DLGAP1: variants seen among roughly 807,000 people sequenced by gnomAD.
DLGAP1 encodes disks large-associated protein 1.
DLGAP1 carries 11 observed loss-of-function variants against 90.8 expected under a neutral mutation model. The observed-to-expected ratio is 0.12, with a 90% CI of 0.08 to 0.20. The LOEUF is 0.20. Among genes scored for constraint, DLGAP1 ranks in the 10% least tolerant of loss-of-function variants. The pLI, the probability that DLGAP1 is intolerant of heterozygous loss-of-function variation, is 1.00. For missense variants in DLGAP1, 1,050 were observed against 1,333.8 expected, an observed-to-expected ratio of 0.79 and a Z score of 3.31; for synonymous variants, 558 against 540.7, an observed-to-expected ratio of 1.03 and a Z score of -0.44.
chr18:3,927,320 G>A (rs1684758895), intron 3 of DLGAP1, among the ~76,000 whole-genome samples: 1 of 152,202 alleles, frequency 6.6e-6, no homozygotes, highest in African/African-American at 2.4e-5. Flanking sequence ...TCGCCTAAGT[G>A]CTTTTACTGA....
At position 4,084,377 on chromosome 18, in the gene DLGAP1, C is replaced by T. The variant is rs1182785626; in HGVS notation, c.-159+66803G>A. Reference sequence around the variant, plus strand: ...ATTGTTAAAAATTTAGATTTGTTTTCGACAGGGCTCAGAACAAGGGCCAGA... The same window carrying T: ...ATTGTTAAAAATTTAGATTTGTTTTTGACAGGGCTCAGAACAAGGGCCAGA... On this transcript the variant is annotated intron_variant, in intron 2 of 12. Coordinates refer to ENST00000315677, the MANE Select transcript of DLGAP1 (RefSeq NM_004746.4). The surrounding 1 kb of genome is among the most constrained non-coding windows in gnomAD (Gnocchi z 4.0). 2.0e-5 allele frequency among the ~76,000 whole-genome samples: 3 copies of T among 152,122 alleles called. No individual in the cohort carries two copies. Among genetic ancestry groups the T allele is most frequent in the Non-Finnish European group, 4.4e-5 (3 of 68,038 alleles).
At chr18:3,805,686 G>A (rs544104996) in intron 5 of DLGAP1, among the ~76,000 whole-genome samples, 1 of 152,298 alleles carries the variant, frequency 6.6e-6, no homozygotes, top group African/African-American at 2.4e-5. Context: ...ATGATCAGAC[G>A]ATGGTGCAGA....
intron 3 of DLGAP1, among the ~76,000 whole-genome samples, chr18:4,002,103 TG>T (rs144378970): frequency 1.0e-3 from 159 of 152,338 alleles, no homozygotes; most frequent in African/African-American, 3.7e-3. Flanking sequence ...GTCTTGCTTT[TG>T]CTATCTTAGT....
At chr18:3,963,583 G>GTTTTTTTTTTTTTTTTT (rs35099419) in intron 3 of DLGAP1, among the ~76,000 whole-genome samples, 1 of 117,578 alleles carries the variant, frequency 8.5e-6, no homozygotes. Flanking sequence ...ACTTTGGGCT[G>GTTTTTTTTTTTTTTTTT]TTTTTTTTTT....
chr18:4,104,554 A>G (rs761573101), intron 2 of DLGAP1, among the ~76,000 whole-genome samples: 12 of 152,168 alleles, frequency 7.9e-5, no homozygotes, highest in Non-Finnish European at 1.5e-4. Flanking sequence ...TTATTGCTCC[A>G]ACTCTAGTAT....
At chr18:3,902,760 A>G (rs2071811589) in intron 3 of DLGAP1, among the ~76,000 whole-genome samples, 1 of 152,112 alleles carries the variant, frequency 6.6e-6, no homozygotes, top group Admixed American at 6.5e-5. Flanking sequence ...GCTGGCTCCA[A>G]TCTATCTTTC....
chr18:3,507,149 AT>A (rs1246069603), intron 11 of DLGAP1, among the ~76,000 whole-genome samples: 11 of 152,036 alleles, frequency 7.2e-5, no homozygotes, highest in Non-Finnish European at 1.5e-4. Context: ...GTCTACATAA[AT>A]TTCTTTCAGT....
chr18:4,121,364 G>A (rs540777848), intron 2 of DLGAP1, among the ~76,000 whole-genome samples: 61 of 152,122 alleles, frequency 4.0e-4, no homozygotes, highest in Non-Finnish European at 7.2e-4. Context: ...CAGACTTTAT[G>A]TAGGCTTCTG....
At chr18:4,341,093 A>C (rs1004323688) in intron 1 of DLGAP1, among the ~76,000 whole-genome samples, 1 of 152,028 alleles carries the variant, frequency 6.6e-6, no homozygotes, top group Non-Finnish European at 1.5e-5. Context: ...TTAATACTAG[A>C]CCTGAGTGAA....
intron 4 of DLGAP1, among the ~76,000 whole-genome samples, chr18:3,827,348 G>C (rs1473477638): frequency 6.6e-6 from 1 of 152,132 alleles, no homozygotes; most frequent in African/African-American, 2.4e-5. Flanking sequence ...GGCTTAAAAC[G>C]ATCAACAAAG....
intron 4 of DLGAP1, among the ~76,000 whole-genome samples, chr18:3,824,159 T>G (rs1043918320): frequency 6.6e-6 from 1 of 152,098 alleles, no homozygotes; most frequent in Non-Finnish European, 1.5e-5. Flanking sequence ...TAGTTACTAG[T>G]GTGCTGGTGT....
At chr18:4,391,499 C>T (rs573187974) in intron 1 of DLGAP1, among the ~76,000 whole-genome samples, 2 of 152,256 alleles carry the variant, frequency 1.3e-5, no homozygotes, top group African/African-American at 4.8e-5. Flanking sequence ...GTAATATTCA[C>T]CCCAATCCAT....
intron 1 of DLGAP1, among the ~76,000 whole-genome samples, chr18:4,215,463 C>T (rs1161735123): frequency 6.6e-6 from 1 of 152,142 alleles, no homozygotes; most frequent in Non-Finnish European, 1.5e-5. Flanking sequence ...CGGCGTATCT[C>T]ATATGATCCA....
At chr18:4,373,111 G>A (rs1281354705) in intron 1 of DLGAP1, among the ~76,000 whole-genome samples, 2 of 151,982 alleles carry the variant, frequency 1.3e-5, no homozygotes, top group Non-Finnish European at 2.9e-5. Context: ...AGTGTAGACA[G>A]TGGGCAGCCA....
chr18:3,507,736 G>GTTTT lies in DLGAP1; in HGVS notation c.2571+830_2571+833dup, dbSNP rs386386884. ...TGAGCAATAAAAGCTATTCTTGAAG[G>GTTTT]TTTTTTTTTTTTTTTTTTTTTGGAG... On this transcript the variant is annotated intron_variant, in intron 11 of 12. Transcript: ENST00000315677. Among the ~76,000 whole-genome samples, 268 of 89,820 alleles carry GTTTT rather than the reference G, an allele frequency of 3.0e-3. 6 individuals carry two copies. Among genetic ancestry groups the GTTTT allele is most frequent in the East Asian group, 8.9e-3 (23 of 2,578 alleles). The allele number at this position is 89,820 out of a possible 152,430, so 58.9% of individuals were successfully genotyped here. A position where few individuals can be genotyped will look rare whatever the true frequency, so the allele number is the denominator to read the frequency against.
intron 1 of DLGAP1, among the ~76,000 whole-genome samples, chr18:4,343,379 T>C (rs2081240103): frequency 6.6e-6 from 1 of 151,608 alleles, no homozygotes; most frequent in Non-Finnish European, 1.5e-5. Flanking sequence ...TAAGCCTGAG[T>C]ACAAATCCAG....
chr18:3,662,108 ATT>A (rs140826965), intron 7 of DLGAP1, among the ~76,000 whole-genome samples: 1,585 of 148,822 alleles, frequency 0.011, 28 homozygotes, highest in African/African-American at 0.038. Flanking sequence ...TAAAAAAAAA[ATT>A]TTTTTTAAAG....
At chr18:3,772,382 T>C (rs867291579) in intron 5 of DLGAP1, among the ~76,000 whole-genome samples, 1 of 12,716 alleles carries the variant, frequency 7.9e-5, no homozygotes, top group Non-Finnish European at 4.3e-4. Flanking sequence ...CTTTCTTTCT[T>C]TCTTTCTTTC....
In DLGAP1 at chr18:3,510,589, T is replaced by C. The variant is rs1024326318; in HGVS notation, c.2480-1928A>G. On this transcript the variant is annotated intron_variant, in intron 10 of 12. Transcript: ENST00000315677. ...ATGTGGCTGTAGGTAAGCTCTGAGG[T>C]TTATGGAAACCTCTGAATTATCTTG... is the stretch of plus-strand genomic sequence containing the variant. 2.6e-5 allele frequency among the ~76,000 whole-genome samples: 4 copies of C among 151,986 alleles called. 1 individual carries two copies. Among genetic ancestry groups the C allele is most frequent in the South Asian group, 4.2e-4 (2 of 4,818 alleles).
Sources: gnomAD v4.1 joint callset for allele counts (sites outside exome capture counted in the v4.1 genomes callset) on GRCh38, gnomAD v4.1.1 for gene constraint, Gnocchi (gnomAD v3.1) non-coding constraint, MANE v1.5 for transcripts, NCBI Gene and HGNC (gene_info 2026-07-23, HGNC 2026-07-21) for gene names.